Variants in GARNL3 observed in about 807,000 individuals in gnomAD.
GARNL3 encodes the protein GTPase-activating Rap/Ran-GAP domain-like protein 3.
GARNL3 carries 63 observed loss-of-function variants against 125.0 expected under a neutral mutation model. That is an observed-to-expected ratio of 0.50 (90% confidence interval 0.41 to 0.62). GARNL3 has a LOEUF of 0.62. Ranked by LOEUF, GARNL3 falls within the 20% of genes least tolerant of loss-of-function variation. The pLI is 0.00. For synonymous variants in GARNL3, 439 were observed against 457.5 expected, an observed-to-expected ratio of 0.96 and a Z score of 0.52; for missense variants, 994 against 1,244.0, an observed-to-expected ratio of 0.80 and a Z score of 3.02.
chr9:127,356,350 A>C (rs2131676271), intron 20 of GARNL3: 1 of 152,240 alleles, frequency 6.6e-6, no homozygotes, highest in African/African-American at 2.4e-5. Context: ...ATTTGCTGGG[A>C]GATTGAAGGG....
chr9:127,302,930 T>A (rs962873303), intron 2 of GARNL3, among the ~76,000 whole-genome samples: 9 of 152,168 alleles, frequency 5.9e-5, no homozygotes, highest in Non-Finnish European at 1.2e-4. Flanking sequence ...GGTGGGTGGA[T>A]CACGAGGTCA....
At chr9:127,261,092 C>G (rs1328526750), upstream of GARNL3, among the ~76,000 whole-genome samples, 1 of 152,012 alleles carries the variant, frequency 6.6e-6, no homozygotes, top group Admixed American at 6.6e-5. Flanking sequence ...CCCATCTCTA[C>G]TAAAAATACA....
chr9:127,365,170 G>A (rs1425418991), intron 21 of GARNL3, 130 bp from the exon 22 acceptor site: 10 of 716,130 alleles, frequency 1.4e-5, no homozygotes, highest in Non-Finnish European at 2.3e-5. Context: ...GGTGCTGGTG[G>A]GGCAGACATG....
chr9:127,370,267 A>T (rs4836561), intron 22 of GARNL3, among the ~76,000 whole-genome samples: 1 of 152,030 alleles, frequency 6.6e-6, no homozygotes, highest in Non-Finnish European at 1.5e-5. Context: ...GCCCCGCAGC[A>T]CAGGCCTTGA....
At chr9:127,351,221 T>A (rs983271408) in intron 17 of GARNL3, among the ~76,000 whole-genome samples, 23 of 152,362 alleles carry the variant, frequency 1.5e-4, no homozygotes, top group African/African-American at 5.5e-4. Flanking sequence ...TCTATTTTTT[T>A]AAATGCAAAA....
At chr9:127,263,956 G>A (rs561002746), upstream of GARNL3, 1 of 1,526,892 alleles carries the variant, frequency 6.5e-7, no homozygotes, top group Admixed American at 2.0e-5. Context: ...CAAGAGGGCT[G>A]TAATTTAGAA....
At chr9:127,245,096 G>C (rs2063273748) in intron 2 of GARNL3, among the ~76,000 whole-genome samples, 1 of 152,122 alleles carries the variant, frequency 6.6e-6, no homozygotes, top group South Asian at 2.1e-4. Context: ...TGTCCGGGGC[G>C]GGGGGTTGGA....
chr9:127,263,973 A>C (rs770833831), upstream of GARNL3: 80 of 1,529,202 alleles, frequency 5.2e-5, no homozygotes, highest in South Asian at 4.8e-4. Flanking sequence ...AGAAAATGCA[A>C]CCTACCTTTT....
At chr9:127,365,173 C>A in intron 21 of GARNL3, 127 bp from the exon 22 acceptor site, 1 of 725,528 alleles carries the variant, frequency 1.4e-6, no homozygotes, top group Non-Finnish European at 2.5e-6. Context: ...GCTGGTGGGG[C>A]AGACATGACC....
At chr9:127,265,926 G>A (rs2063695333) in intron 1 of GARNL3, among the ~76,000 whole-genome samples, 1 of 152,182 alleles carries the variant, frequency 6.6e-6, no homozygotes, top group Admixed American at 6.5e-5. Context: ...TTATGGACCT[G>A]ACTGTGTACC....
chr9:127,339,753 TA>T lies in GARNL3; in HGVS notation c.1135+4del. On this transcript the variant is annotated splice_donor_region_variant and intron_variant, in intron 13 of 27. Transcript: ENST00000373387. ...TCAGGGACTTTTTGCTAGTGAAATG[TA>T]AGTTTCTGTTTTGAAACAATTTTGC... 6.3e-7 allele frequency: 1 copy of T among 1,593,752 alleles called. No individual in the cohort carries two copies. The highest frequency in any genetic ancestry group is 8.6e-7 in the Non-Finnish European group (1 of 1,161,312).
chr9:127,231,221 A>ATTTTTTTTTTTTTTT (rs754935724), intron 1 of GARNL3, among the ~76,000 whole-genome samples: 3 of 66,092 alleles, frequency 4.5e-5, no homozygotes, highest in African/African-American at 1.6e-4. Flanking sequence ...CGCCCAGCTA[A>ATTTTTTTTTTTTTTT]TTTTTTGTTT....
intron 23 of GARNL3, among the ~76,000 whole-genome samples, chr9:127,383,935 C>A (rs928852322): frequency 2.0e-5 from 3 of 152,118 alleles, no homozygotes; most frequent in African/African-American, 7.2e-5. Flanking sequence ...GCTTTCAGGG[C>A]CATTGGTATA....
upstream of GARNL3, chr9:127,264,720 T>G (rs141108910): frequency 1.0e-5 from 13 of 1,247,524 alleles, no homozygotes; most frequent in East Asian, 4.1e-4. Flanking sequence ...TCATTGCCTA[T>G]ACTTCCAGGG....
Position 127,349,045 on chromosome 9 carries a change from T to TA in GARNL3, c.1543+11dup. ...GTCTTGCTAGTGGATGGTTAGTGAG[T>TA]AGCTGCTCCTACAAATGTCTTTTTC... is the stretch of plus-strand genomic sequence containing the variant. On this transcript the variant is annotated intron_variant, in intron 17 of 27. Coordinates refer to ENST00000373387, the MANE Select transcript of GARNL3 (RefSeq NM_032293.5). 1 of 1,557,564 alleles carries TA rather than the reference T, an allele frequency of 6.4e-7. No homozygotes were observed. Among genetic ancestry groups the TA allele is most frequent in the Non-Finnish European group, 8.9e-7 (1 of 1,128,338 alleles).
intron 6 of GARNL3, 84 bp downstream of exon 6, chr9:127,320,862 C>T (rs1396277540): frequency 2.2e-6 from 2 of 905,034 alleles, no homozygotes; most frequent in African/African-American, 1.7e-5. Context: ...TAATCCTTAT[C>T]CTGGGATGCA....
chr9:127,270,232 A>G (rs968935069), intron 1 of GARNL3, among the ~76,000 whole-genome samples: 4 of 152,196 alleles, frequency 2.6e-5, no homozygotes, highest in African/African-American at 7.2e-5. Flanking sequence ...TCAATTGACT[A>G]TAGATGTGAG....
intron 1 of GARNL3, among the ~76,000 whole-genome samples, chr9:127,230,607 C>T (rs568733485): frequency 1.3e-5 from 2 of 150,940 alleles, no homozygotes; most frequent in Non-Finnish European, 2.9e-5. Flanking sequence ...GAGCCAAGAT[C>T]GCACCATTGC....
At chr9:127,225,658 G>C (rs1383120046) in intron 1 of GARNL3, among the ~76,000 whole-genome samples, 1 of 151,996 alleles carries the variant, frequency 6.6e-6, no homozygotes, top group Non-Finnish European at 1.5e-5. Flanking sequence ...CGCGGCTTCG[G>C]CGGGGCATGG....
Sources: gnomAD v4.1 joint callset for allele counts (sites outside exome capture counted in the v4.1 genomes callset) on GRCh38, gnomAD v4.1.1 for gene constraint, MANE v1.5 for transcripts, NCBI Gene and HGNC (gene_info 2026-07-23, HGNC 2026-07-21) for gene names.